Variants in INTU observed in about 807,000 individuals in gnomAD.
INTU encodes the protein inturned planar cell polarity protein, also known as protein inturned.
Under a neutral mutation model 100.5 loss-of-function variants are expected in INTU, and 68 were observed. The ratio of observed to expected loss-of-function variants is 0.68; its 90% CI spans 0.56 to 0.83. The LOEUF (loss-of-function observed/expected upper bound fraction) is 0.83, where lower values mean the gene tolerates loss of function less well. Among genes scored for constraint, INTU ranks in the 40% least tolerant of loss-of-function variants. The pLI is 0.00. For missense variants in INTU, 1,071 were observed against 1,114.7 expected (o/e 0.96, Z 0.56); for synonymous variants, 357 against 395.7 (o/e 0.90, Z 1.16).
chr4:127,706,214 G>A (rs1279694826), intron 11 of INTU, among the ~76,000 whole-genome samples: 1 of 152,184 alleles, frequency 6.6e-6, no homozygotes, highest in Non-Finnish European at 1.5e-5. Flanking sequence ...TCCAGTAACT[G>A]AGGCTCTTGA....
At chr4:127,690,672 T>C (rs1218379005) in intron 8 of INTU, among the ~76,000 whole-genome samples, 3 of 152,074 alleles carry the variant, frequency 2.0e-5, no homozygotes, top group Admixed American at 2.0e-4. Flanking sequence ...ACATTTGAAG[T>C]TTTTTTTATT....
At chr4:127,699,929 C>A (rs1038278544) in intron 8 of INTU, 81 bp from the exon 9 acceptor site, 2 of 938,000 alleles carry the variant, frequency 2.1e-6, no homozygotes, top group East Asian at 2.7e-5. Flanking sequence ...AGTAATTAAG[C>A]ACTTTTTATA....
chr4:127,658,151 C>G (rs1022929226), intron 3 of INTU, among the ~76,000 whole-genome samples: 1 of 152,204 alleles, frequency 6.6e-6, no homozygotes, highest in African/African-American at 2.4e-5. Flanking sequence ...CAAGGTTTCC[C>G]TAATGCCCAT....
chr4:127,670,479 G>A (rs1728875727), intron 5 of INTU, among the ~76,000 whole-genome samples: 1 of 151,882 alleles, frequency 6.6e-6, no homozygotes, highest in Admixed American at 6.6e-5. Flanking sequence ...AGTAGTACTG[G>A]AGGCTCTATT....
At chr4:127,656,581 C>A in intron 2 of INTU, 55 bp from the exon 3 acceptor site, 1 of 1,268,504 alleles carries the variant, frequency 7.9e-7, no homozygotes, top group Non-Finnish European at 1.2e-6. Context: ...AATTCTAGAC[C>A]TCTATGGTTT....
chr4:127,711,001 G>A lies in INTU; in HGVS notation c.2458G>A (p.Val820Met). 1 of 1,608,012 alleles carries A rather than the reference G, an allele frequency of 6.2e-7. No homozygotes were observed. The highest frequency in any genetic ancestry group is 8.5e-7 in the Non-Finnish European group (1 of 1,175,996). The change falls in exon 14 of 16, where the codon GTG (valine) becomes ATG (methionine). Residue 820 changes from valine (V) to methionine (M), a missense_variant. By Grantham distance (21) the Val-to-Met change is conservative. Transcript: ENST00000335251. ...CTTTATTACTCCTACCCTTGAAGAG[G>A]TGGCACAGCTAAGTGGCTCTATCCA... ...GIFITPTLEE[V>M]AQLSGSIHPQ...
intron 4 of INTU, among the ~76,000 whole-genome samples, chr4:127,664,109 C>A (rs1397123888): frequency 6.6e-6 from 1 of 152,062 alleles, no homozygotes; most frequent in African/African-American, 2.4e-5. Context: ...GTAGCATTAA[C>A]TTTCTTCCAT....
At chr4:127,645,386 C>T (rs1032279551) in intron 2 of INTU, among the ~76,000 whole-genome samples, 9 of 152,046 alleles carry the variant, frequency 5.9e-5, no homozygotes, top group African/African-American at 2.2e-4. Flanking sequence ...AACTGAAGCC[C>T]TCGCCACCAG....
At chr4:127,649,826 A>G (rs1727757896) in intron 2 of INTU, among the ~76,000 whole-genome samples, 1 of 152,200 alleles carries the variant, frequency 6.6e-6, no homozygotes. Context: ...TTCTTAAATG[A>G]ATGGATGAAT....
intron 6 of INTU, among the ~76,000 whole-genome samples, chr4:127,681,043 A>G (rs1179145674): frequency 6.6e-6 from 1 of 151,632 alleles, no homozygotes; most frequent in Non-Finnish European, 1.5e-5. Context: ...TCCAACTTAC[A>G]AGGGATGTGA....
chr4:127,698,480 CGT>C (rs1553983693), intron 8 of INTU, among the ~76,000 whole-genome samples: 1 of 150,234 alleles, frequency 6.7e-6, no homozygotes, highest in Non-Finnish European at 1.5e-5. Flanking sequence ...AAAAAAAAGT[CGT>C]GTGTGAGGTA....
chr4:127,680,706 G>A lies in INTU; in HGVS notation c.1182-3703G>A, dbSNP rs1017202831. On this transcript the variant is annotated intron_variant, in intron 6 of 15. Coordinates refer to ENST00000335251, the MANE Select transcript of INTU (RefSeq NM_015693.4). The stretch of plus-strand genomic sequence containing the variant: ...AAAACTGGCACAAGACAGGGATGCC[G>A]TCTCTCACCGCTCCTATTCAACATA... Among the ~76,000 whole-genome samples, 15 of 146,424 alleles carry A rather than the reference G, an allele frequency of 1.0e-4. No individual in the cohort carries two copies. The East Asian group carries it at 1.2e-3, about 12-fold the overall frequency.
chr4:127,656,480 A>G (rs1389426860), intron 2 of INTU, among the ~76,000 whole-genome samples, 156 bp from the exon 3 acceptor site: 1 of 152,224 alleles, frequency 6.6e-6, no homozygotes, highest in Non-Finnish European at 1.5e-5. Flanking sequence ...CCTGCCACCA[A>G]TGAGCTGTAT....
chr4:127,646,581 T>C (rs1442007730), intron 2 of INTU, among the ~76,000 whole-genome samples: 2 of 152,212 alleles, frequency 1.3e-5, no homozygotes. Flanking sequence ...ATTCTGTCAG[T>C]CTTTCTCAAT....
At chr4:127,713,678 A>T (rs1731167186) in intron 14 of INTU, among the ~76,000 whole-genome samples, 1 of 152,174 alleles carries the variant, frequency 6.6e-6, no homozygotes, top group South Asian at 2.1e-4. Context: ...TGCTAATATA[A>T]TATAATATAC....
chr4:127,716,267 G>A (rs1334351074), intron 15 of INTU, 58 bp from the exon 16 acceptor site: 1 of 754,156 alleles, frequency 1.3e-6, no homozygotes, highest in Non-Finnish European at 2.1e-6. Context: ...TGGATGGTTA[G>A]AGTTTTTGTT....
At chr4:127,691,033 C>A (rs1020836912) in intron 8 of INTU, among the ~76,000 whole-genome samples, 6 of 152,072 alleles carry the variant, frequency 3.9e-5, no homozygotes, top group African/African-American at 1.4e-4. Context: ...CCATTAACCC[C>A]TGGAAACAAA....
chr4:127,633,148 G>C lies in INTU; in HGVS notation c.114G>C (p.Ser38=), dbSNP rs374352207. 105 of 1,613,848 alleles carry C rather than the reference G, an allele frequency of 6.5e-5. 1 individual carries two copies. The highest frequency in any genetic ancestry group is 2.7e-5 in the African/African-American group (2 of 74,934). ...ATTTTGAAGATCGGGTCAGCGACTC[G>C]GGTTCATATTCCTCAGCGAGTAGCG... The part of the protein sequence containing the change: ...DYDFEDRVSD[S]GSYSSASSDY... Residue 38 remains serine (S), a synonymous_variant, in exon 1 of 16, where the codon TCG becomes TCC. Transcript: ENST00000335251.
chr4:127,651,160 T>C (rs1387392684), intron 2 of INTU, among the ~76,000 whole-genome samples: 22 of 151,958 alleles, frequency 1.4e-4, no homozygotes, highest in African/African-American at 3.6e-4. Flanking sequence ...TTCTCCCATT[T>C]TGTAGGTTGC....
Sources: gnomAD v4.1 joint callset for allele counts (sites outside exome capture counted in the v4.1 genomes callset) on GRCh38, gnomAD v4.1.1 for gene constraint, MANE v1.5 for transcripts, NCBI Gene and HGNC (gene_info 2026-07-23, HGNC 2026-07-21) for gene names.